NPAS4: variants seen among roughly 807,000 people sequenced by gnomAD.
The protein encoded by NPAS4 is neuronal PAS domain-containing protein 4.
A neutral mutation model predicts 64.0 loss-of-function variants in NPAS4; 10 were observed. The ratio of observed to expected loss-of-function variants is 0.16; its 90% CI spans 0.10 to 0.26. The LOEUF (loss-of-function observed/expected upper bound fraction) is 0.26. Among genes scored for constraint, NPAS4 ranks in the 10% least tolerant of loss-of-function variants. The pLI is 1.00. For missense variants in NPAS4, 886 were observed against 992.6 expected (o/e 0.89, Z 1.44); for synonymous variants, 441 against 411.7 (o/e 1.07, Z -0.86).
the NPAS4 span, among the ~76,000 whole-genome samples, chr11:66,414,156 C>A: frequency 6.6e-6 from 1 of 152,078 alleles, no homozygotes; most frequent in South Asian, 2.1e-4. Flanking sequence ...CTGAGGGGGT[C>A]CCCGGACCTC....
chr11:66,423,380 G>A, intron 5 of NPAS4, 148 bp downstream of exon 5: 5 of 802,088 alleles, frequency 6.2e-6, no homozygotes, highest in South Asian at 3.2e-5. Context: ...ATGAAGGTGA[G>A]GATTCAAGGC....
chr11:66,418,609 A>G (rs1354628744), upstream of NPAS4, among the ~76,000 whole-genome samples: 1 of 151,630 alleles, frequency 6.6e-6, no homozygotes, highest in African/African-American at 2.4e-5. Context: ...CCCTTTCTAG[A>G]CCCTTCTTCC....
At chr11:66,416,815 A>C (rs1250239018), upstream of NPAS4, 1 of 152,224 alleles carries the variant, frequency 6.6e-6, no homozygotes, top group Non-Finnish European at 1.5e-5. Context: ...AGAGCAAGAC[A>C]AGATCACACT....
the NPAS4 span, among the ~76,000 whole-genome samples, chr11:66,413,454 C>T: frequency 1.3e-5 from 2 of 152,242 alleles, no homozygotes; most frequent in Admixed American, 1.3e-4. Flanking sequence ...CCCTGCCTCA[C>T]AGCCCTGGGT....
chr11:66,424,973 G>A lies in NPAS4; in HGVS notation c.2083G>A (p.Asp695Asn). The A allele has an allele frequency of 6.2e-7, 1 of 1,614,170 alleles. No homozygotes were observed. Among genetic ancestry groups the A allele is most frequent in the Non-Finnish European group, 8.5e-7 (1 of 1,180,024 alleles). Residue 695 changes from aspartate (D) to asparagine (N), a missense_variant, in exon 7 of 8, where the codon GAC becomes AAC. Asp to Asn is a conservative substitution (Grantham distance 23). This residue lies in a region of NPAS4 where 820 missense variants were observed against 855.5 expected (regional missense o/e 0.96). Coordinates refer to ENST00000311034, the MANE Select transcript of NPAS4 (RefSeq NM_178864.4). ...DLKPWKCQEL[D>N]FLADPDNMFL... Reference sequence around the variant, plus strand: ...GAAACCCTGGAAATGCCAGGAGCTGGACTTCCTGGCTGACCCTGATAACAT... The same window carrying A: ...GAAACCCTGGAAATGCCAGGAGCTGAACTTCCTGGCTGACCCTGATAACAT...
At chr11:66,414,500 T>A in the NPAS4 span, among the ~76,000 whole-genome samples, 3 of 152,122 alleles carry the variant, frequency 2.0e-5, no homozygotes, top group African/African-American at 7.2e-5. Flanking sequence ...CTCACCTTCC[T>A]GGCTTTCAGC....
chr11:66,425,826 T>G, intron 7 of NPAS4, 135 bp from the exon 8 acceptor site: 1 of 691,884 alleles, frequency 1.4e-6, no homozygotes. Flanking sequence ...CCTAATCTAC[T>G]GAGCCTCTGG....
chr11:66,424,358 A>G lies in NPAS4; in HGVS notation c.1468A>G (p.Thr490Ala). The G allele has an allele frequency of 6.2e-7, 1 of 1,614,116 alleles. No individual in the cohort carries two copies. Among genetic ancestry groups the G allele is most frequent in the Non-Finnish European group, 8.5e-7 (1 of 1,179,998 alleles). ...AACTAGCCCACTGCAAGGCCAGTTG[A>G]CTGAAACCTCGGTCAGAAGCTATGA... Reference protein sequence around the residue: ...PLTSPLQGQLTETSVRSYEDQ... With the variant: ...PLTSPLQGQLAETSVRSYEDQ... The change falls in exon 7 of 8, where the codon ACT becomes GCT. Residue 490 changes from threonine to alanine, a missense_variant. By Grantham distance (58) the Thr-to-Ala change is moderately conservative. Transcript: ENST00000311034.
chr11:66,421,829 A>G (rs754660717), intron 1 of NPAS4, among the ~76,000 whole-genome samples: 4 of 152,074 alleles, frequency 2.6e-5, no homozygotes, highest in Non-Finnish European at 5.9e-5. Flanking sequence ...TCGGCTTCGG[A>G]GCTCTGTCCG....
chr11:66,416,452 G>A (rs7935572), upstream of NPAS4, among the ~76,000 whole-genome samples: 15,502 of 152,252 alleles, frequency 0.1, 1,230 homozygotes, highest in African/African-American at 0.23. Context: ...TGATATGGCT[G>A]CAGTGGCTGG....
At chr11:66,417,300 G>C (rs943923073), upstream of NPAS4, among the ~76,000 whole-genome samples, 11 of 151,770 alleles carry the variant, frequency 7.2e-5, no homozygotes, top group Admixed American at 7.2e-4. Flanking sequence ...GTGTGTGTGT[G>C]CATGCGCGCT....
In NPAS4 at chr11:66,424,241, C is replaced by A; in HGVS notation, c.1351C>A (p.Pro451Thr). The change falls in exon 7 of 8, where the codon CCA (proline) becomes ACA (threonine). Residue 451 changes from proline to threonine, a missense_variant. This residue lies in a region of NPAS4 where 820 missense variants were observed against 855.5 expected (regional missense o/e 0.96). Coordinates refer to ENST00000311034, the MANE Select transcript of NPAS4 (RefSeq NM_178864.4). ...HEPFQTHLPT[P>T]SSTLQEQLTP... is the part of the protein sequence containing the mutation. ...GCCCTTCCAGACCCATTTGCCCACC[C>A]CATCCAGCACTCTTCAAGAACAGCT... 1 of 1,614,124 alleles carries A rather than the reference C, an allele frequency of 6.2e-7. No homozygotes were observed. The highest frequency in any genetic ancestry group is 8.5e-7 in the Non-Finnish European group (1 of 1,180,022).
intron 1 of NPAS4, among the ~76,000 whole-genome samples, chr11:66,421,804 GT>G (rs1856747226): frequency 6.6e-6 from 1 of 152,254 alleles, no homozygotes. Flanking sequence ...TCTGTCCATG[GT>G]TCTGAACCCA....
upstream of NPAS4, among the ~76,000 whole-genome samples, chr11:66,419,742 A>G (rs897357387): frequency 6.6e-6 from 1 of 152,196 alleles, no homozygotes; most frequent in Non-Finnish European, 1.5e-5. Flanking sequence ...TGAAAAGGAT[A>G]GAAAAGGATA....
the NPAS4 span, among the ~76,000 whole-genome samples, chr11:66,412,450 G>T: frequency 6.6e-6 from 1 of 152,232 alleles, no homozygotes; most frequent in Non-Finnish European, 1.5e-5. Context: ...AAAGCTGCCG[G>T]TGGGTACCCA....
upstream of NPAS4, among the ~76,000 whole-genome samples, chr11:66,420,091 G>T (rs1401063414): frequency 6.6e-6 from 1 of 152,254 alleles, no homozygotes; most frequent in East Asian, 1.9e-4. Context: ...GGCCCGCGGG[G>T]AGACAGAGGC....
chr11:66,421,101 G>A lies in NPAS4; in HGVS notation c.-79G>A, dbSNP rs929036042. 5.5e-6 allele frequency: 7 copies of A among 1,269,494 alleles called. No homozygotes were observed. Among genetic ancestry groups the A allele is most frequent in the Non-Finnish European group, 7.7e-6 (7 of 908,986 alleles). 78.6% of individuals were successfully genotyped at this position (1,269,494 alleles called of 1,614,324 possible). A position where few individuals can be genotyped will look rare whatever the true frequency, so the allele number is the denominator to read the frequency against. Reference sequence around the variant, plus strand: ...GCCTGAGCGAGAGACGGGGAAGCACGGAGGAGGAAGCCGCCGGTGCGTCGG... The same window carrying A: ...GCCTGAGCGAGAGACGGGGAAGCACAGAGGAGGAAGCCGCCGGTGCGTCGG... On this transcript the variant is annotated 5_prime_UTR_variant, in exon 1 of 8. Coordinates refer to ENST00000311034, the MANE Select transcript of NPAS4 (RefSeq NM_178864.4).
In NPAS4 at chr11:66,422,131, G is replaced by C; in HGVS notation, c.187G>C (p.Ala63Pro). ...GVFFAGGTPL[A>P]GPTGLLSAQE... ...TTCTCGCCCTACAGGCACTCCTCTG[G>C]CGGGCCCCACGGGGCTTCTCTCAGC... is the stretch of plus-strand genomic sequence containing the variant. Residue 63 changes from alanine to proline, a missense_variant, in exon 2 of 8, where the codon GCG (alanine) becomes CCG (proline). Around this residue, in one of 3 missense-constraint regions of NPAS4, gnomAD observed 820 missense variants for 855.5 expected, o/e 0.96. Coordinates refer to ENST00000311034, the MANE Select transcript of NPAS4 (RefSeq NM_178864.4). The C allele has an allele frequency of 6.2e-7, 1 of 1,613,904 alleles. No individual in the cohort carries two copies. Among genetic ancestry groups the C allele is most frequent in the Non-Finnish European group, 8.5e-7 (1 of 1,180,016 alleles).
the NPAS4 span, among the ~76,000 whole-genome samples, chr11:66,415,154 T>G: frequency 6.6e-6 from 1 of 152,188 alleles, no homozygotes; most frequent in Non-Finnish European, 1.5e-5. Context: ...GTACCCTGCC[T>G]CCTCATTGCC....
Sources: allele counts gnomAD v4.1 joint callset (sites outside exome capture counted in the v4.1 genomes callset), GRCh38; gene constraint gnomAD v4.1.1; regional missense constraint gnomAD v4.1.1; transcripts MANE v1.5; gene names NCBI Gene and HGNC (gene_info 2026-07-23, HGNC 2026-07-21).